KLC1: variants seen among roughly 807,000 people sequenced by gnomAD.
KLC1 encodes kinesin light chain 1.
A neutral mutation model predicts 84.2 loss-of-function variants in KLC1; 30 were observed. That is an observed-to-expected ratio of 0.36 (90% CI 0.27 to 0.48). KLC1 has a LOEUF of 0.48. Among genes scored for constraint, KLC1 ranks in the 20% least tolerant of loss-of-function variants. The pLI, the probability that KLC1 is intolerant of heterozygous loss-of-function variation, is 0.99. For synonymous variants in KLC1, 289 were observed against 293.3 expected (o/e 0.99, Z 0.15); for missense variants, 499 against 805.4 (o/e 0.62, Z 4.60).
chr14:103,661,240 A>G (rs2079263541), intron 3 of KLC1, among the ~76,000 whole-genome samples: 2 of 152,142 alleles, frequency 1.3e-5, no homozygotes. Context: ...AACTGCCAAC[A>G]GCATCCTTCA....
chr14:103,696,439 T>C (rs2151883783), intron 15 of KLC1: 1 of 984,106 alleles, frequency 1.0e-6, no homozygotes, highest in Admixed American at 6.1e-5. Flanking sequence ...TCAGTGTTTA[T>C]AGTAAGATGT....
chr14:103,648,323 G>A (rs894670450), intron 1 of KLC1, among the ~76,000 whole-genome samples: 2 of 152,290 alleles, frequency 1.3e-5, no homozygotes, highest in South Asian at 4.1e-4. Flanking sequence ...GCTACAGACA[G>A]GATTTTAACA....
At chr14:103,664,061 T>C (rs1298500952) in intron 5 of KLC1, among the ~76,000 whole-genome samples, 2 of 152,236 alleles carry the variant, frequency 1.3e-5, no homozygotes, top group African/African-American at 4.8e-5. Context: ...CAGCTTGGTC[T>C]GCCCCATGAC....
intron 1 of KLC1, among the ~76,000 whole-genome samples, chr14:103,648,418 G>A (rs2078123054): frequency 6.6e-6 from 1 of 152,160 alleles, no homozygotes. Context: ...GACAGGATAG[G>A]TTCTTAACAT....
chr14:103,633,249 G>T (rs1350609439), intron 1 of KLC1, among the ~76,000 whole-genome samples: 2 of 152,018 alleles, frequency 1.3e-5, no homozygotes, highest in African/African-American at 4.8e-5. Flanking sequence ...AGTAGAGTCG[G>T]GGTTTCACCA....
chr14:103,643,953 C>A (rs193035410), intron 1 of KLC1, among the ~76,000 whole-genome samples: 1 of 151,974 alleles, frequency 6.6e-6, no homozygotes, highest in South Asian at 2.1e-4. Flanking sequence ...CGGTGGCTCA[C>A]GCCTGTAATC....
rs777850351 is a variant in KLC1 at position 103,657,529 on chromosome 14, C to G, written c.262-17C>G. ...GGACAACGTGCCACAGTGCTGCACA[C>G]GTTTCTGTCTGCTCAGGTTATGATG... is the stretch of plus-strand genomic sequence containing the variant. On this transcript the variant is annotated splice_polypyrimidine_tract_variant and intron_variant, in intron 2 of 16. Transcript: ENST00000334553. The G allele has an allele frequency of 6.2e-7, 1 of 1,605,654 alleles. No homozygotes were observed. Among genetic ancestry groups the G allele is most frequent in the African/African-American group, 1.3e-5 (1 of 74,892 alleles).
Position 103,666,715 on chromosome 14 carries a change from C to T in KLC1, c.798-2796C>T, listed in dbSNP as rs993492857. ...CGGGTTGAGGCGATTCCACCCACCC[C>T]GGCCTCCCAAAGTGCTGGGATTACA... On this transcript the variant is annotated intron_variant, in intron 5 of 16. Coordinates refer to ENST00000334553, the MANE Select transcript of KLC1 (RefSeq NM_001394837.1). 1.2e-4 allele frequency among the ~76,000 whole-genome samples: 17 copies of T among 143,476 alleles called. No homozygotes were observed. In the East Asian group the frequency reaches 3.2e-3, roughly 27 times the overall value. 94.1% of individuals were successfully genotyped at this position (143,476 alleles called of 152,430 possible).
intron 15 of KLC1, 55 bp from the exon 16 acceptor site, chr14:103,700,600 C>T (rs2083093379): frequency 1.7e-5 from 25 of 1,443,520 alleles, no homozygotes; most frequent in Non-Finnish European, 2.3e-5. Context: ...GCTCTGAAGA[C>T]GCCTGAGGGC....
At chr14:103,633,524 G>T (rs896631262) in intron 1 of KLC1, among the ~76,000 whole-genome samples, 4 of 152,134 alleles carry the variant, frequency 2.6e-5, no homozygotes, top group Non-Finnish European at 5.9e-5. Flanking sequence ...GCTAGGTGGG[G>T]GCAGGGGCTG....
intron 1 of KLC1, among the ~76,000 whole-genome samples, chr14:103,629,995 C>T (rs541328139): frequency 6.6e-6 from 1 of 152,360 alleles, no homozygotes; most frequent in East Asian, 1.9e-4. Context: ...TCCACCCCCG[C>T]CTCTCCCGGC....
intron 1 of KLC1, among the ~76,000 whole-genome samples, chr14:103,648,935 G>C (rs751981508): frequency 6.6e-6 from 1 of 152,064 alleles, no homozygotes; most frequent in South Asian, 2.1e-4. Flanking sequence ...TCAGGAGTTT[G>C]AGACCAGCCT....
chr14:103,644,635 T>G (rs2077761051), intron 1 of KLC1, among the ~76,000 whole-genome samples: 1 of 152,104 alleles, frequency 6.6e-6, no homozygotes, highest in Non-Finnish European at 1.5e-5. Flanking sequence ...AGCTCACGCC[T>G]ATAATCCCAG....
chr14:103,660,574 A>G (rs1372596702), intron 3 of KLC1, among the ~76,000 whole-genome samples: 4 of 152,096 alleles, frequency 2.6e-5, no homozygotes, highest in Non-Finnish European at 4.4e-5. Context: ...GGATTACCTG[A>G]GGCCAGGAGT....
chr14:103,683,354 G>A (rs1279653067), intron 13 of KLC1: 1 of 152,176 alleles, frequency 6.6e-6, no homozygotes, highest in African/African-American at 2.4e-5. Flanking sequence ...CCTCATTTTC[G>A]TGTGACACAT....
Position 103,694,475 on chromosome 14 carries a change from C to T in KLC1, c.1848+2050C>T. ...GCGTTTCACTTTTTAAAAGCTTAAG[C>T]TTTATGGAATGAGGGAGCACGGTGG... On this transcript the variant is annotated intron_variant, in intron 15 of 16. Transcript: ENST00000334553. This position sits in a 1 kb window ranked among gnomAD's most constrained non-coding sequence, Gnocchi z 4.5. 1 of 985,476 alleles carries T rather than the reference C, an allele frequency of 1.0e-6. No homozygotes were observed. Among genetic ancestry groups the T allele is most frequent in the Non-Finnish European group, 1.2e-6 (1 of 829,962 alleles). 61.0% of individuals were successfully genotyped at this position (985,476 alleles called of 1,614,324 possible). A position where few individuals can be genotyped will look rare whatever the true frequency, so the allele number is the denominator to read the frequency against.
rs58909811 is a variant in KLC1, at chr14:103,696,135, G to A, written c.1848+3710G>A. 4,492 of 948,252 alleles carry A rather than the reference G, an allele frequency of 4.7e-3. 177 individuals carry two copies. In the African/African-American group the frequency reaches 0.078, roughly 16 times the overall value. 58.7% of individuals were successfully genotyped at this position (948,252 alleles called of 1,614,324 possible). ...CCCCCACAGCAGCCGTGTGTGCAGC[G>A]CCCGTCCCCAGCAACCATGGCATGG... On this transcript the variant is annotated intron_variant, in intron 15 of 16. Coordinates refer to ENST00000334553, the MANE Select transcript of KLC1 (RefSeq NM_001394837.1).
intron 5 of KLC1, among the ~76,000 whole-genome samples, chr14:103,668,602 C>T (rs2080097258): frequency 6.6e-6 from 1 of 151,958 alleles, no homozygotes; most frequent in South Asian, 2.1e-4. Context: ...CTTAGCGTCC[C>T]CAGCAGCTGG....
Position 103,701,239 on chromosome 14 carries a change from A to T in KLC1, c.*40A>T. 1 of 1,547,352 alleles carries T rather than the reference A, an allele frequency of 6.5e-7. No individual in the cohort carries two copies. The highest frequency in any genetic ancestry group is 8.7e-7 in the Non-Finnish European group (1 of 1,144,462). On this transcript the variant is annotated 3_prime_UTR_variant, in exon 17 of 17. Transcript: ENST00000334553. ...GCCCCGCTCCAGGATGGGACTGCCG[A>T]GTGTGGCCCGGAGCTGGCCCGGGAC...
Sources: allele counts gnomAD v4.1 joint callset (sites outside exome capture counted in the v4.1 genomes callset), GRCh38; gene constraint gnomAD v4.1.1; non-coding constraint Gnocchi (gnomAD v3.1); transcripts MANE v1.5; gene names NCBI Gene and HGNC (gene_info 2026-07-23, HGNC 2026-07-21).